RALGAPA2: variants seen among roughly 807,000 people sequenced by gnomAD.
RALGAPA2 encodes Ral GTPase activating protein catalytic subunit alpha 2.
RALGAPA2 carries 139 observed loss-of-function variants against 230.4 expected under a neutral mutation model. That is an observed-to-expected ratio of 0.60 (90% CI 0.53 to 0.69). The LOEUF is 0.69. Ranked by LOEUF, RALGAPA2 falls within the 30% of genes least tolerant of loss-of-function variation. The pLI is 0.00. For synonymous variants in RALGAPA2, 847 were observed against 837.8 expected, an observed-to-expected ratio of 1.01 and a Z score of -0.19; for missense variants, 2,163 against 2,276.0, an observed-to-expected ratio of 0.95 and a Z score of 1.01.
At chr20:20,705,171 A>G (rs1463070062) in intron 1 of RALGAPA2, among the ~76,000 whole-genome samples, 1 of 152,236 alleles carries the variant, frequency 6.6e-6, no homozygotes, top group African/African-American at 2.4e-5. Context: ...TATATCAGGC[A>G]TGCACTCACA....
intron 35 of RALGAPA2, among the ~76,000 whole-genome samples, chr20:20,503,139 A>C (rs1311021535): frequency 6.6e-6 from 1 of 152,196 alleles, no homozygotes; most frequent in Non-Finnish European, 1.5e-5. Flanking sequence ...GTGAGATCAA[A>C]AATGTCATTT....
At chr20:20,583,249 G>A in intron 19 of RALGAPA2, 23 bp from the exon 20 acceptor site, 1 of 1,567,854 alleles carries the variant, frequency 6.4e-7, no homozygotes, top group Non-Finnish European at 8.6e-7. Flanking sequence ...AAGAACCAAA[G>A]TTTAAGATAA....
intron 18 of RALGAPA2, among the ~76,000 whole-genome samples, chr20:20,586,383 T>A (rs1602951200): frequency 6.6e-6 from 1 of 152,232 alleles, no homozygotes; most frequent in African/African-American, 2.4e-5. Context: ...GCAAACATAC[T>A]GTTGAAATGT....
intron 23 of RALGAPA2, among the ~76,000 whole-genome samples, chr20:20,553,795 T>C (rs1472565792): frequency 6.6e-6 from 1 of 152,194 alleles, no homozygotes; most frequent in Non-Finnish European, 1.5e-5. Context: ...AAGGAGAACC[T>C]TGAATATTTT....
At chr20:20,481,604 AATAC>A (rs1418771219) in intron 36 of RALGAPA2, among the ~76,000 whole-genome samples, 1 of 152,238 alleles carries the variant, frequency 6.6e-6, no homozygotes, top group African/African-American at 2.4e-5. Flanking sequence ...TGGGTAACTT[AATAC>A]AAAGGTCTAG....
At chr20:20,628,331 C>T (rs1212055932) in intron 10 of RALGAPA2, among the ~76,000 whole-genome samples, 1 of 152,206 alleles carries the variant, frequency 6.6e-6, no homozygotes, top group Admixed American at 6.5e-5. Context: ...TCCTCACCTA[C>T]AACTGGACTC....
At chr20:20,698,952 A>G (rs1223662614) in intron 1 of RALGAPA2, among the ~76,000 whole-genome samples, 2 of 152,228 alleles carry the variant, frequency 1.3e-5, no homozygotes, top group African/African-American at 4.8e-5. Flanking sequence ...AAAAAAGACA[A>G]CAGCAAATTT....
chr20:20,664,456 T>C (rs1271943586), intron 3 of RALGAPA2, among the ~76,000 whole-genome samples: 2 of 152,136 alleles, frequency 1.3e-5, no homozygotes, highest in Non-Finnish European at 2.9e-5. Flanking sequence ...ATTAGTAGCA[T>C]ATAATTCTAC....
chr20:20,635,478 C>T lies in RALGAPA2; in HGVS notation c.945G>A (p.Lys315=), dbSNP rs773138505. 6.3e-6 allele frequency: 10 copies of T among 1,599,834 alleles called. No homozygotes were observed. In the African/African-American group the frequency reaches 1.1e-4, roughly 17 times the overall value. ...TAGTGTTTTGTGTTGCAGTTAGATA[C>T]TTTTTTTCCAAAAAGAAGGTTACAA... ...KWIVTFFLEK[K]YLTATQNTKN... The change falls in exon 9 of 40, where the codon AAG becomes AAA. Residue 315 remains lysine (K), a synonymous_variant. Coordinates refer to ENST00000202677, the MANE Select transcript of RALGAPA2 (RefSeq NM_020343.4).
intron 1 of RALGAPA2, among the ~76,000 whole-genome samples, chr20:20,699,063 G>A (rs912616382): frequency 6.6e-6 from 1 of 152,144 alleles, no homozygotes; most frequent in African/African-American, 2.4e-5. Context: ...CTTGGCATTT[G>A]TCCATTTGCA....
chr20:20,512,947 A>G lies in RALGAPA2; in HGVS notation c.4422T>C (p.Gly1474=). 1.9e-6 allele frequency: 3 copies of G among 1,613,796 alleles called. No homozygotes were observed. The highest frequency in any genetic ancestry group is 2.5e-6 in the Non-Finnish European group (3 of 1,179,696). ...RDISGKYSWD[G]KVLYGPLEGC... ...CTTCCAAAGGTCCATATAAAACCTT[A>G]CCATCCCAAGAGTACTTCCCTGAGA... is the stretch of plus-strand genomic sequence containing the variant. Residue 1474 remains glycine (G), a synonymous_variant, in exon 32 of 40, where the codon GGT becomes GGC. Coordinates refer to ENST00000202677, the MANE Select transcript of RALGAPA2 (RefSeq NM_020343.4).
intron 38 of RALGAPA2, among the ~76,000 whole-genome samples, chr20:20,407,309 T>C (rs932810940): frequency 2.0e-5 from 3 of 152,224 alleles, no homozygotes; most frequent in African/African-American, 4.8e-5. Flanking sequence ...GGAATGAATA[T>C]GAATGTGATG....
chr20:20,662,469 A>T (rs189656054), intron 3 of RALGAPA2, among the ~76,000 whole-genome samples: 75 of 152,338 alleles, frequency 4.9e-4, no homozygotes, highest in Admixed American at 1.9e-3. Flanking sequence ...CAATGCAAGA[A>T]CTAAGTTTTA....
At chr20:20,499,280 T>C (rs1331119312) in intron 35 of RALGAPA2, among the ~76,000 whole-genome samples, 4 of 152,182 alleles carry the variant, frequency 2.6e-5, no homozygotes, top group African/African-American at 9.6e-5. Context: ...TCTTAGAACA[T>C]TATTTACAGC....
At chr20:20,543,838 C>G (rs1301045580) in intron 24 of RALGAPA2, among the ~76,000 whole-genome samples, 2 of 151,166 alleles carry the variant, frequency 1.3e-5, no homozygotes, top group Non-Finnish European at 3.0e-5. Context: ...ATGTAACAAA[C>G]CTGCACATTA....
intron 22 of RALGAPA2, 109 bp from the exon 23 acceptor site, chr20:20,571,722 T>G: frequency 6.8e-7 from 1 of 1,468,134 alleles, no homozygotes; most frequent in Non-Finnish European, 9.3e-7. Flanking sequence ...ACATGTGGGA[T>G]GCAGTTACTT....
Position 20,584,824 on chromosome 20 carries a change from C to T in RALGAPA2, c.2530+41G>A, listed in dbSNP as rs1326902144. ...AATGTAAAAAGAAAATAGAACATATCAACTCTGTAGTTGGAGGAACAGACA... is the reference window on the plus strand; with the variant it reads ...AATGTAAAAAGAAAATAGAACATATTAACTCTGTAGTTGGAGGAACAGACA... On this transcript the variant is annotated intron_variant, in intron 19 of 39. Transcript: ENST00000202677. 3.7e-6 allele frequency: 5 copies of T among 1,369,704 alleles called. No homozygotes were observed. In the South Asian group the frequency reaches 6.0e-5, roughly 17 times the overall value. The allele number at this position is 1,369,704 out of a possible 1,614,324, so 84.8% of individuals were successfully genotyped here.
At chr20:20,541,602 G>A (rs989847613) in intron 24 of RALGAPA2, among the ~76,000 whole-genome samples, 6 of 152,178 alleles carry the variant, frequency 3.9e-5, no homozygotes, top group Admixed American at 1.3e-4. Context: ...GGCAGGATGG[G>A]CCAGGACAGC....
chr20:20,582,728 T>C (rs1269407787), intron 20 of RALGAPA2, among the ~76,000 whole-genome samples: 2 of 152,216 alleles, frequency 1.3e-5, no homozygotes, highest in Non-Finnish European at 1.5e-5. Flanking sequence ...ATACTGTATA[T>C]GTTACAACTT....
Sources: gnomAD v4.1 joint callset for allele counts (sites outside exome capture counted in the v4.1 genomes callset) on GRCh38, gnomAD v4.1.1 for gene constraint, MANE v1.5 for transcripts, NCBI Gene and HGNC (gene_info 2026-07-23, HGNC 2026-07-21) for gene names.